Variants in LMX1A observed in about 807,000 individuals in gnomAD.
LMX1A encodes the protein LIM homeobox transcription factor 1-alpha.
In LMX1A, 15 loss-of-function variants were observed where a neutral mutation model predicts 49.1. That is an observed-to-expected ratio of 0.31 (90% confidence interval 0.20 to 0.47). The LOEUF (loss-of-function observed/expected upper bound fraction) is 0.47. Ranked by LOEUF, LMX1A falls within the 20% of genes least tolerant of loss-of-function variation. The pLI, the probability that LMX1A is intolerant of heterozygous loss-of-function variation, is 1.00. For synonymous variants in LMX1A, 167 were observed against 185.7 expected, an observed-to-expected ratio of 0.90 and a Z score of 0.82; for missense variants, 372 against 475.8, an observed-to-expected ratio of 0.78 and a Z score of 2.03.
chr1:165,248,269 A>G (rs543624389), intron 4 of LMX1A, among the ~76,000 whole-genome samples: 3 of 152,174 alleles, frequency 2.0e-5, no homozygotes, highest in African/African-American at 4.8e-5. Flanking sequence ...GACAGGTGCT[A>G]GGGCCTAGTA....
chr1:165,292,150 A>G (rs1355136571), intron 3 of LMX1A, among the ~76,000 whole-genome samples: 1 of 151,936 alleles, frequency 6.6e-6, no homozygotes, highest in Non-Finnish European at 1.5e-5. Context: ...AAGGCAGTCT[A>G]ACTTACTTCT....
At chr1:165,339,316 C>G (rs1389250569) in intron 3 of LMX1A, among the ~76,000 whole-genome samples, 1 of 152,164 alleles carries the variant, frequency 6.6e-6, no homozygotes, top group Non-Finnish European at 1.5e-5. Context: ...GAGAGTCCTC[C>G]CAAGCATCAC....
chr1:165,270,646 T>C (rs1653765866), intron 3 of LMX1A, among the ~76,000 whole-genome samples: 3 of 152,148 alleles, frequency 2.0e-5, no homozygotes, highest in African/African-American at 7.2e-5. Context: ...TCCTGCCAGA[T>C]CTGAGGTTGG....
chr1:165,270,432 A>G (rs1269274578), intron 3 of LMX1A, among the ~76,000 whole-genome samples: 1 of 152,186 alleles, frequency 6.6e-6, no homozygotes, highest in Non-Finnish European at 1.5e-5. Flanking sequence ...CAGGGAAATG[A>G]TAACTTAAAT....
intron 3 of LMX1A, among the ~76,000 whole-genome samples, chr1:165,277,746 G>T (rs1004491950): frequency 3.3e-5 from 5 of 152,106 alleles, no homozygotes; most frequent in Non-Finnish European, 7.4e-5. Context: ...CACCTAAAAT[G>T]CCTGCTGCTA....
At chr1:165,297,541 G>A (rs1654650755) in intron 3 of LMX1A, among the ~76,000 whole-genome samples, 1 of 152,196 alleles carries the variant, frequency 6.6e-6, no homozygotes, top group African/African-American at 2.4e-5. Context: ...CTGAAAAGCA[G>A]GATGGCAAGC....
At chr1:165,233,743 G>A (rs1004477923) in intron 4 of LMX1A, among the ~76,000 whole-genome samples, 2 of 152,176 alleles carry the variant, frequency 1.3e-5, no homozygotes, top group African/African-American at 4.8e-5. Flanking sequence ...GTATTTCATA[G>A]TCATTTAAGT....
intron 3 of LMX1A, among the ~76,000 whole-genome samples, chr1:165,330,744 G>A (rs1189491831): frequency 6.6e-6 from 1 of 152,180 alleles, no homozygotes; most frequent in African/African-American, 2.4e-5. Flanking sequence ...TAGTCTTACT[G>A]ACTAGAACAA....
At chr1:165,313,133 G>GT (rs1655122215) in intron 3 of LMX1A, among the ~76,000 whole-genome samples, 1 of 152,188 alleles carries the variant, frequency 6.6e-6, no homozygotes, top group East Asian at 1.9e-4. Flanking sequence ...CTACAGGTAA[G>GT]TTCATCCCAG....
At chr1:165,285,744 C>T (rs1367412263) in intron 3 of LMX1A, among the ~76,000 whole-genome samples, 4 of 152,200 alleles carry the variant, frequency 2.6e-5, no homozygotes, top group Non-Finnish European at 5.9e-5. Flanking sequence ...CAACGGGTTA[C>T]TAAGGAAAGC....
chr1:165,252,608 C>T (rs1390352748), intron 3 of LMX1A, among the ~76,000 whole-genome samples: 1 of 152,196 alleles, frequency 6.6e-6, no homozygotes, highest in Non-Finnish European at 1.5e-5. Flanking sequence ...TTCAAAAACA[C>T]TCTTTTCATA....
intron 3 of LMX1A, among the ~76,000 whole-genome samples, chr1:165,277,692 T>A (rs1654010890): frequency 6.6e-6 from 1 of 152,178 alleles, no homozygotes; most frequent in South Asian, 2.1e-4. Context: ...GTCTGATCCT[T>A]CTGCTGAGTG....
At chr1:165,319,350 G>A (rs1571220805) in intron 3 of LMX1A, among the ~76,000 whole-genome samples, 1 of 152,042 alleles carries the variant, frequency 6.6e-6, no homozygotes, top group East Asian at 1.9e-4. Context: ...TAAAGTATAA[G>A]AGACACAAGA....
intron 3 of LMX1A, among the ~76,000 whole-genome samples, chr1:165,251,867 G>C (rs115350656): frequency 6.6e-6 from 1 of 152,030 alleles, no homozygotes; most frequent in African/African-American, 2.4e-5. Context: ...ACAGTTATCC[G>C]GAGATGTCTC....
At position 165,205,848 on chromosome 1, in the gene LMX1A, C is replaced by T; in HGVS notation, c.988+16G>A. On this transcript the variant is annotated intron_variant, in intron 8 of 8. Coordinates refer to ENST00000342310, the MANE Select transcript of LMX1A (RefSeq NM_177398.4). ...ACAAGTTATGAGAGGGCCCGAGGGG[C>T]TTAAGTCCCTCTTACCATAAGGGTG... 1.9e-6 allele frequency: 3 copies of T among 1,613,238 alleles called. No individual in the cohort carries two copies. Among genetic ancestry groups the T allele is most frequent in the Non-Finnish European group, 2.5e-6 (3 of 1,179,704 alleles).
chr1:165,349,343 C>G (rs1012177455), intron 3 of LMX1A, among the ~76,000 whole-genome samples: 1 of 152,210 alleles, frequency 6.6e-6, no homozygotes, highest in South Asian at 2.1e-4. Context: ...TAGGGAACAA[C>G]AGTTATATAA....
At chr1:165,274,039 A>G (rs1462815112) in intron 3 of LMX1A, among the ~76,000 whole-genome samples, 1 of 152,166 alleles carries the variant, frequency 6.6e-6, no homozygotes, top group Non-Finnish European at 1.5e-5. Flanking sequence ...TGTCATCCCC[A>G]CTTTACAGAT....
At chr1:165,324,031 T>C (rs938924378) in intron 3 of LMX1A, among the ~76,000 whole-genome samples, 10 of 152,356 alleles carry the variant, frequency 6.6e-5, no homozygotes, top group Admixed American at 2.0e-4. Context: ...TCCTACTCTA[T>C]ATGTAGCTAC....
Sources: allele counts gnomAD v4.1 joint callset (sites outside exome capture counted in the v4.1 genomes callset), GRCh38; gene constraint gnomAD v4.1.1; transcripts MANE v1.5; gene names NCBI Gene and HGNC (gene_info 2026-07-23, HGNC 2026-07-21).